ULK4: variants seen among roughly 807,000 people sequenced by gnomAD.
The protein encoded by ULK4 is unc-51 like kinase 4, also known as inactive serine/threonine-protein kinase ULK4.
ULK4 carries 133 observed loss-of-function variants against 160.6 expected under a neutral mutation model. The observed-to-expected ratio is 0.83, with a 90% CI of 0.72 to 0.96. ULK4 has a LOEUF of 0.96. Ranked by LOEUF, ULK4 falls within the 40% of genes least tolerant of loss-of-function variation. The pLI is 0.00. For synonymous variants in ULK4, 534 were observed against 539.8 expected (o/e 0.99, Z 0.15); for missense variants, 1,580 against 1,499.5 (o/e 1.05, Z -0.89).
At chr3:41,786,131 A>G (rs79816047) in intron 21 of ULK4, among the ~76,000 whole-genome samples, 45 of 152,222 alleles carry the variant, frequency 3.0e-4, no homozygotes, top group African/African-American at 1.1e-3. Context: ...ACCCTGTTCT[A>G]TGTTCTTCAG....
intron 35 of ULK4, among the ~76,000 whole-genome samples, chr3:41,346,592 T>G (rs1425275161): frequency 6.6e-6 from 1 of 152,204 alleles, no homozygotes; most frequent in Admixed American, 6.5e-5. Flanking sequence ...GAAAGGGGTA[T>G]GGAGAAAGAA....
intron 35 of ULK4, among the ~76,000 whole-genome samples, chr3:41,273,858 A>G (rs1434362202): frequency 7.2e-6 from 1 of 138,156 alleles, no homozygotes; most frequent in East Asian, 2.1e-4. Flanking sequence ...AGCCCCTCAG[A>G]TTTCCCTCTC....
rs369390361 is a variant in ULK4, at chr3:41,706,900, T to TATATAG, written c.2635-1596_2635-1595insCTATAT. Among the ~76,000 whole-genome samples, 37 of 136,438 alleles carry TATATAG rather than the reference T, an allele frequency of 2.7e-4. 1 individual carries two copies. The highest frequency in any genetic ancestry group is 3.6e-3 in the Middle Eastern group (1 of 280). The allele number at this position is 136,438 out of a possible 152,430, so 89.5% of individuals were successfully genotyped here. On this transcript the variant is annotated intron_variant, in intron 25 of 36. Transcript: ENST00000301831. ...GTGTGTGTGTGTGTGTATATATATA[T>TATATAG]AGAGAGAGAGAGAGAATAGAATCTA...
intron 32 of ULK4, among the ~76,000 whole-genome samples, chr3:41,528,718 G>A (rs2086200025): frequency 6.6e-6 from 1 of 152,150 alleles, no homozygotes; most frequent in Non-Finnish European, 1.5e-5. Context: ...AGGATCTCAT[G>A]ATTCCATTCA....
intron 32 of ULK4, among the ~76,000 whole-genome samples, chr3:41,468,747 G>A (rs892557293): frequency 1.3e-5 from 2 of 152,146 alleles, no homozygotes; most frequent in Non-Finnish European, 2.9e-5. Flanking sequence ...CAGGAACTGG[G>A]GTTTCTACAG....
chr3:41,508,100 G>C (rs1237062851), intron 32 of ULK4, among the ~76,000 whole-genome samples: 1 of 152,214 alleles, frequency 6.6e-6, no homozygotes, highest in African/African-American at 2.4e-5. Flanking sequence ...GAGCACAGTG[G>C]GAGTGAGACT....
At chr3:41,416,639 A>T (rs369487509) in intron 34 of ULK4, among the ~76,000 whole-genome samples, 19 of 152,304 alleles carry the variant, frequency 1.2e-4, no homozygotes, top group Middle Eastern at 3.4e-3. Context: ...GGCAGGAAAA[A>T]GAAAAGGAGA....
intron 17 of ULK4, among the ~76,000 whole-genome samples, chr3:41,839,062 T>C (rs1222513628): frequency 3.9e-5 from 6 of 152,156 alleles, no homozygotes; most frequent in Non-Finnish European, 5.9e-5. Context: ...AAAGAGTAGA[T>C]TTTACGGCCA....
chr3:41,368,201 C>T (rs1476792636), intron 35 of ULK4, among the ~76,000 whole-genome samples: 5 of 151,810 alleles, frequency 3.3e-5, no homozygotes, highest in Non-Finnish European at 4.4e-5. Context: ...GCGCCCACCA[C>T]GACGCCCGGC....
At chr3:41,544,666 T>C (rs772789960) in intron 32 of ULK4, among the ~76,000 whole-genome samples, 1 of 152,184 alleles carries the variant, frequency 6.6e-6, no homozygotes, top group African/African-American at 2.4e-5. Flanking sequence ...TGACAATGAT[T>C]GTTTGCTATA....
At chr3:41,794,392 G>A (rs1469903615) in intron 20 of ULK4, among the ~76,000 whole-genome samples, 1 of 152,052 alleles carries the variant, frequency 6.6e-6, no homozygotes, top group East Asian at 1.9e-4. Context: ...AAGGCCGGAC[G>A]CTGTGGCTCA....
intron 2 of ULK4, among the ~76,000 whole-genome samples, chr3:41,950,555 A>G (rs1234490518): frequency 1.3e-5 from 2 of 151,408 alleles, no homozygotes; most frequent in Non-Finnish European, 2.9e-5. Context: ...CTCCCAGCTA[A>G]TTTTTGTATC....
chr3:41,265,534 G>T (rs181567188), intron 35 of ULK4, among the ~76,000 whole-genome samples: 1 of 152,262 alleles, frequency 6.6e-6, no homozygotes, highest in East Asian at 1.9e-4. Context: ...AAGCACACTT[G>T]GTTTACATTA....
At chr3:41,694,493 G>A (rs776238059) in intron 27 of ULK4, among the ~76,000 whole-genome samples, 36 of 152,112 alleles carry the variant, frequency 2.4e-4, no homozygotes, top group Non-Finnish European at 5.0e-4. Context: ...AGGAGGATGG[G>A]ATAGGGCAGA....
At chr3:41,707,418 G>A (rs1057218974) in intron 25 of ULK4, among the ~76,000 whole-genome samples, 1 of 152,124 alleles carries the variant, frequency 6.6e-6, no homozygotes, top group Admixed American at 6.5e-5. Flanking sequence ...ACAACAGAGT[G>A]AAGAGACAAC....
intron 34 of ULK4, among the ~76,000 whole-genome samples, chr3:41,406,729 GA>G (rs764459398): frequency 1.3e-5 from 2 of 152,098 alleles, no homozygotes; most frequent in Non-Finnish European, 2.9e-5. Flanking sequence ...TTTTTCCAGT[GA>G]TGACCATTAA....
intron 32 of ULK4, among the ~76,000 whole-genome samples, chr3:41,495,798 C>G (rs763654912): frequency 4.6e-5 from 7 of 151,622 alleles, no homozygotes; most frequent in Non-Finnish European, 8.8e-5. Context: ...CAAAAGAAGA[C>G]ATTTACGCAG....
At chr3:41,735,637 G>A (rs921504316) in intron 22 of ULK4, among the ~76,000 whole-genome samples, 4 of 151,752 alleles carry the variant, frequency 2.6e-5, no homozygotes, top group Admixed American at 6.6e-5. Flanking sequence ...TATTTACAGA[G>A]AGTCAAAACA....
chr3:41,508,022 G>T (rs1209773576), intron 32 of ULK4, among the ~76,000 whole-genome samples: 2 of 152,210 alleles, frequency 1.3e-5, no homozygotes. Flanking sequence ...TCAGCAGGGA[G>T]GCTGGTGGTC....
Sources: gnomAD v4.1 joint callset for allele counts (sites outside exome capture counted in the v4.1 genomes callset) on GRCh38, gnomAD v4.1.1 for gene constraint, MANE v1.5 for transcripts, NCBI Gene and HGNC (gene_info 2026-07-23, HGNC 2026-07-21) for gene names.